APTX: variants seen among roughly 807,000 people sequenced by gnomAD.
The protein encoded by APTX is aprataxin.
A neutral mutation model predicts 42.3 loss-of-function variants in APTX; 33 were observed. The observed-to-expected ratio is 0.78, with a 90% CI of 0.59 to 1.04. APTX has a LOEUF of 1.04. Among genes scored for constraint, APTX ranks in the 50% least tolerant of loss-of-function variants. APTX has a pLI of 0.00. For synonymous variants in APTX, 130 were observed against 146.7 expected (o/e 0.89, Z 0.82); for missense variants, 421 against 415.1 (o/e 1.01, Z -0.12).
intron 5 of APTX, among the ~76,000 whole-genome samples, 164 bp from the exon 6 acceptor site, chr9:32,985,021 T>G (rs776075777): frequency 6.6e-6 from 1 of 152,218 alleles, no homozygotes; most frequent in Non-Finnish European, 1.5e-5. Flanking sequence ...AGGTTGAGTG[T>G]CTTGCACAAG....
intron 6 of APTX, chr9:32,980,491 C>A: frequency 6.5e-6 from 1 of 152,972 alleles, no homozygotes. Context: ...AGAAACAAGC[C>A]TCAGTGGTCC....
At chr9:32,998,560 G>T (rs1175136416) in intron 1 of APTX, among the ~76,000 whole-genome samples, 1 of 152,182 alleles carries the variant, frequency 6.6e-6, no homozygotes, top group Non-Finnish European at 1.5e-5. Context: ...ATGAGTTCAT[G>T]TCCTTTGCAG....
chr9:32,998,936 A>G (rs1214331987), intron 1 of APTX, among the ~76,000 whole-genome samples: 1 of 152,160 alleles, frequency 6.6e-6, no homozygotes, highest in Non-Finnish European at 1.5e-5. Context: ...TGCCAAAGTC[A>G]CAAACAACAG....
At chr9:32,979,129 T>A (rs1230913397) in intron 6 of APTX, among the ~76,000 whole-genome samples, 2 of 152,136 alleles carry the variant, frequency 1.3e-5, no homozygotes, top group African/African-American at 4.8e-5. Flanking sequence ...TACAGATTGT[T>A]TCGCCACCCA....
intron 1 of APTX, among the ~76,000 whole-genome samples, chr9:32,999,648 C>T (rs910695585): frequency 2.6e-5 from 4 of 152,188 alleles, no homozygotes; most frequent in Non-Finnish European, 5.9e-5. Context: ...AGGGAAAGCA[C>T]ATCTCATGAC....
chr9:33,008,657 T>G (rs1260000654), intron 1 of APTX, among the ~76,000 whole-genome samples: 1 of 151,540 alleles, frequency 6.6e-6, no homozygotes, highest in Non-Finnish European at 1.5e-5. Flanking sequence ...GTTCAAGCAA[T>G]TCTCCTGCCT....
chr9:33,007,196 C>T (rs79882992), intron 1 of APTX, among the ~76,000 whole-genome samples: 96 of 152,042 alleles, frequency 6.3e-4, no homozygotes, highest in African/African-American at 2.2e-3. Flanking sequence ...TTAGATTATT[C>T]TTTTAGAGTT....
chr9:32,989,963 C>G, intron 1 of APTX, 68 bp from the exon 2 acceptor site: 1 of 1,556,102 alleles, frequency 6.4e-7, no homozygotes, highest in Non-Finnish European at 8.7e-7. Flanking sequence ...AGGGCCACAC[C>G]CGGTGCCACC....
intron 6 of APTX, among the ~76,000 whole-genome samples, chr9:32,976,120 T>C (rs1829332871): frequency 1.3e-5 from 2 of 150,160 alleles, no homozygotes; most frequent in South Asian, 4.2e-4. Flanking sequence ...CTATAAACTA[T>C]CACAAGGACA....
intron 1 of APTX, chr9:32,990,217 G>T (rs944166901): frequency 4.2e-6 from 1 of 240,372 alleles, no homozygotes; most frequent in South Asian, 5.4e-5. Context: ...GTGTCCCCCA[G>T]GCTGGCACGC....
At chr9:33,001,689 C>A (rs778506027), upstream of APTX, 1 of 1,554,444 alleles carries the variant, frequency 6.4e-7, no homozygotes, top group South Asian at 1.1e-5. Flanking sequence ...ACCTCTCTAA[C>A]GGATTGGCTG....
chr9:32,973,804 A>C, intron 7 of APTX, 152 bp from the exon 8 acceptor site: 1 of 945,436 alleles, frequency 1.1e-6, no homozygotes, highest in South Asian at 1.4e-5. Flanking sequence ...GACTTCCCTC[A>C]GGCAAAATGA....
intron 1 of APTX, among the ~76,000 whole-genome samples, chr9:33,017,032 C>G (rs188271887): frequency 2.3e-4 from 35 of 152,286 alleles, no homozygotes; most frequent in African/African-American, 7.5e-4. Context: ...TAAAACTGTT[C>G]CTCTATTCAT....
chr9:33,006,066 G>GTTGTTTGT (rs148290929), upstream of APTX, among the ~76,000 whole-genome samples: 12 of 150,768 alleles, frequency 8.0e-5, no homozygotes, highest in Middle Eastern at 3.4e-3. Flanking sequence ...TCAGGGTTTT[G>GTTGTTTGT]TTGTTTGTTT....
In APTX at chr9:32,989,841, G is replaced by A. The variant is rs1457648221; in HGVS notation, c.51C>T (p.Ile17=). 1 of 1,614,136 alleles carries A rather than the reference G, an allele frequency of 6.2e-7. No individual in the cohort carries two copies. Among genetic ancestry groups the A allele is most frequent in the African/African-American group, 1.3e-5 (1 of 74,938 alleles). ...LVRQDSRHQR[I]RLPHLEAVVI... ...CAACTGCTTCCAAATGTGGAAGTCTGATTCGCTGGTGCCGGCTGTCCTGTC... is the reference window on the plus strand; with the variant it reads ...CAACTGCTTCCAAATGTGGAAGTCTAATTCGCTGGTGCCGGCTGTCCTGTC... The change falls in exon 2 of 8, where the codon ATC becomes ATT. Residue 17 remains isoleucine, a synonymous_variant. Transcript: ENST00000379817.
chr9:33,013,666 G>A (rs898073117), intron 1 of APTX, among the ~76,000 whole-genome samples: 5 of 152,134 alleles, frequency 3.3e-5, no homozygotes, highest in Non-Finnish European at 5.9e-5. Flanking sequence ...AATTAGCCGG[G>A]CATGGTGGCA....
At chr9:33,007,762 C>T (rs541869889) in intron 1 of APTX, among the ~76,000 whole-genome samples, 1 of 151,284 alleles carries the variant, frequency 6.6e-6, no homozygotes, top group East Asian at 1.9e-4. Flanking sequence ...GTAATGAAAA[C>T]GATATTAAAA....
At chr9:32,991,041 C>T (rs1833491175) in intron 1 of APTX, among the ~76,000 whole-genome samples, 1 of 152,120 alleles carries the variant, frequency 6.6e-6, no homozygotes, top group Non-Finnish European at 1.5e-5. Flanking sequence ...ATTCTCCTGC[C>T]TCAGCCTCCC....
chr9:33,012,001 C>A (rs1039581973), intron 1 of APTX, among the ~76,000 whole-genome samples: 2 of 152,204 alleles, frequency 1.3e-5, no homozygotes, highest in African/African-American at 4.8e-5. Flanking sequence ...AATGTCTACA[C>A]ATTTACACCA....
Sources: gnomAD v4.1 joint callset for allele counts (sites outside exome capture counted in the v4.1 genomes callset) on GRCh38, gnomAD v4.1.1 for gene constraint, MANE v1.5 for transcripts, NCBI Gene and HGNC (gene_info 2026-07-23, HGNC 2026-07-21) for gene names.